CACNA2D3: variants seen among roughly 807,000 people sequenced by gnomAD.
CACNA2D3 encodes voltage-dependent calcium channel subunit alpha-2/delta-3.
In CACNA2D3, 60 loss-of-function variants were observed where a neutral mutation model predicts 160.6. The ratio of observed to expected loss-of-function variants is 0.37; its 90% CI spans 0.30 to 0.46. The LOEUF (loss-of-function observed/expected upper bound fraction) is 0.46. CACNA2D3 is among the 20% of genes least tolerant of loss of function. The pLI, the probability that CACNA2D3 is intolerant of heterozygous loss-of-function variation, is 1.00. For missense variants in CACNA2D3, 1,205 were observed against 1,365.0 expected (o/e 0.88, Z 1.85); for synonymous variants, 558 against 492.9 (o/e 1.13, Z -1.75).
intron 27 of CACNA2D3, among the ~76,000 whole-genome samples, chr3:54,949,631 T>G (rs1038348216): frequency 6.6e-6 from 1 of 152,156 alleles, no homozygotes; most frequent in Admixed American, 6.5e-5. Flanking sequence ...AGCGCATTGG[T>G]CACTTATTTC....
intron 10 of CACNA2D3, among the ~76,000 whole-genome samples, chr3:54,640,440 T>G (rs186137747): frequency 1.4e-3 from 216 of 152,340 alleles, no homozygotes; most frequent in African/African-American, 5.0e-3. Context: ...AATTGCATCA[T>G]TAATAGCATT....
intron 14 of CACNA2D3, among the ~76,000 whole-genome samples, chr3:54,817,553 G>T (rs2106714811): frequency 6.6e-6 from 1 of 152,340 alleles, no homozygotes; most frequent in Admixed American, 6.5e-5. Flanking sequence ...CTCAGTGCCT[G>T]CTGCATTGTT....
chr3:55,074,178 C>T lies in CACNA2D3; in HGVS notation c.3248C>T (p.Pro1083Leu). 1 of 1,613,730 alleles carries T rather than the reference C, an allele frequency of 6.2e-7. No homozygotes were observed. The highest frequency in any genetic ancestry group is 2.2e-5 in the East Asian group (1 of 44,866). ...GCCCAGACAGTCCTCCTTCTGCTCC[C>T]TCTGCTTTTGATGCTCTTCTCAAGG... is the stretch of plus-strand genomic sequence containing the variant. ...LQAQTVLLLL[P>L]LLLMLFSR Residue 1083 changes from proline (P) to leucine (L), a missense_variant, in exon 38 of 38, where the codon CCT (proline) becomes CTT (leucine). Transcript: ENST00000474759.
At chr3:54,225,397 G>A (rs189546696) in intron 2 of CACNA2D3, among the ~76,000 whole-genome samples, 2 of 152,064 alleles carry the variant, frequency 1.3e-5, no homozygotes, top group East Asian at 1.9e-4. Context: ...GCTTCCTACC[G>A]GTTCTCTTTC....
chr3:54,723,785 G>A (rs1225959681), intron 11 of CACNA2D3, among the ~76,000 whole-genome samples: 2 of 152,192 alleles, frequency 1.3e-5, no homozygotes, highest in African/African-American at 2.4e-5. Flanking sequence ...CCCACCTTCT[G>A]CGTTGATCTC....
chr3:54,774,191 G>A (rs898389533), intron 13 of CACNA2D3, among the ~76,000 whole-genome samples: 2 of 152,150 alleles, frequency 1.3e-5, no homozygotes, highest in African/African-American at 4.8e-5. Context: ...AGATTCAGGG[G>A]TTGTATTAGT....
chr3:54,925,036 G>A (rs372879884), intron 27 of CACNA2D3: 1 of 1,614,006 alleles, frequency 6.2e-7, no homozygotes, highest in African/African-American at 1.3e-5. Flanking sequence ...GGAAGATGGT[G>A]TATCTGATTA....
intron 2 of CACNA2D3, among the ~76,000 whole-genome samples, chr3:54,306,201 A>T (rs753317212): frequency 1.3e-5 from 2 of 152,160 alleles, no homozygotes; most frequent in African/African-American, 2.4e-5. Flanking sequence ...AAAAATCCCC[A>T]TTAAAGGCAC....
intron 2 of CACNA2D3, among the ~76,000 whole-genome samples, chr3:54,271,819 C>A (rs147370157): frequency 2.6e-5 from 4 of 152,264 alleles, no homozygotes; most frequent in Admixed American, 2.6e-4. Context: ...ATGGAGACAT[C>A]CTTGCTCCCA....
At chr3:54,698,841 C>T (rs559033279) in intron 11 of CACNA2D3, among the ~76,000 whole-genome samples, 33 of 152,130 alleles carry the variant, frequency 2.2e-4, no homozygotes, top group African/African-American at 7.5e-4. Flanking sequence ...TATTTATCTC[C>T]CACCCTGTGT....
intron 34 of CACNA2D3, among the ~76,000 whole-genome samples, chr3:55,016,478 T>C (rs1703329306): frequency 6.6e-6 from 1 of 152,200 alleles, no homozygotes; most frequent in South Asian, 2.1e-4. Flanking sequence ...CTGCCTGGAA[T>C]TGGTGCTTTT....
intron 11 of CACNA2D3, among the ~76,000 whole-genome samples, chr3:54,689,010 A>AAAGAGAG (rs1553785965): frequency 4.2e-4 from 36 of 85,496 alleles, no homozygotes; most frequent in Admixed American, 9.1e-4. Context: ...AAAAAAAAAA[A>AAAGAGAG]AGAATGAGGT....
At chr3:54,443,065 G>A (rs569655773) in intron 4 of CACNA2D3, among the ~76,000 whole-genome samples, 1 of 152,166 alleles carries the variant, frequency 6.6e-6, no homozygotes, top group African/African-American at 2.4e-5. Context: ...AAGGTGTAAT[G>A]TACTGGAAAC....
chr3:54,975,925 A>G (rs1702380483), intron 29 of CACNA2D3, among the ~76,000 whole-genome samples: 1 of 152,084 alleles, frequency 6.6e-6, no homozygotes, highest in Non-Finnish European at 1.5e-5. Flanking sequence ...CAGCCACAAT[A>G]ATAACACCCC....
At chr3:54,471,808 G>A (rs1430255858) in intron 4 of CACNA2D3, among the ~76,000 whole-genome samples, 1 of 152,104 alleles carries the variant, frequency 6.6e-6, no homozygotes, top group Admixed American at 6.5e-5. Flanking sequence ...TAGAAGAAAT[G>A]CATAAACTCC....
At chr3:54,188,275 A>AAG (rs1700916905) in intron 2 of CACNA2D3, among the ~76,000 whole-genome samples, 1 of 151,224 alleles carries the variant, frequency 6.6e-6, no homozygotes. Flanking sequence ...AAACAAAAAA[A>AAG]CCAGTAGCAG....
At chr3:54,143,751 G>A (rs1699977137) in intron 2 of CACNA2D3, among the ~76,000 whole-genome samples, 1 of 152,022 alleles carries the variant, frequency 6.6e-6, no homozygotes, top group Non-Finnish European at 1.5e-5. Flanking sequence ...CACCTGCCTC[G>A]GCCTCCCAAA....
intron 2 of CACNA2D3, among the ~76,000 whole-genome samples, chr3:54,241,430 AC>A (rs1701972220): frequency 6.6e-6 from 1 of 152,200 alleles, no homozygotes; most frequent in South Asian, 2.1e-4. Flanking sequence ...TGGGATTCAA[AC>A]CCAGGCCATC....
At chr3:54,633,463 G>A (rs1699291409) in intron 10 of CACNA2D3, 1 of 152,204 alleles carries the variant, frequency 6.6e-6, no homozygotes, top group African/African-American at 2.4e-5. Flanking sequence ...GTTTAGGCTT[G>A]CAGAAGTTTG....
Sources: allele counts gnomAD v4.1 joint callset (sites outside exome capture counted in the v4.1 genomes callset), GRCh38; gene constraint gnomAD v4.1.1; transcripts MANE v1.5; gene names NCBI Gene and HGNC (gene_info 2026-07-23, HGNC 2026-07-21).